The following ZFR2 variants were observed in gnomAD, a reference collection of about 807,000 sequenced individuals.
ZFR2 encodes zinc finger RNA-binding protein 2.
ZFR2 carries 104 observed loss-of-function variants against 105.7 expected under a neutral mutation model. The ratio of observed to expected loss-of-function variants is 0.98; its 90% confidence interval spans 0.84 to 1.16. The LOEUF (loss-of-function observed/expected upper bound fraction) is 1.16. Ranked by LOEUF, ZFR2 falls within the 50% of genes most tolerant of loss-of-function variation. The pLI is 0.00. For missense variants in ZFR2, 1,425 were observed against 1,355.5 expected, an observed-to-expected ratio of 1.05 and a Z score of -0.80; for synonymous variants, 634 against 597.7, an observed-to-expected ratio of 1.06 and a Z score of -0.89.
Position 3,827,385 on chromosome 19 carries a change from C to T in ZFR2, c.1035+86G>A. ...GAGGCTTCTCCCAGCTCCCTCTGAT[C>T]TCCCCAGGTACCTCTGTGGGTCCCA... On this transcript the variant is annotated intron_variant, in intron 6 of 18. Coordinates refer to ENST00000262961, the MANE Select transcript of ZFR2 (RefSeq NM_015174.2). 7.9e-6 allele frequency: 11 copies of T among 1,385,600 alleles called. No individual in the cohort carries two copies. In the South Asian group the frequency reaches 1.7e-4, roughly 21 times the overall value. The allele number at this position is 1,385,600 out of a possible 1,614,324, so 85.8% of individuals were successfully genotyped here.
In ZFR2 at chr19:3,820,185, G is replaced by T; in HGVS notation, c.1737C>A (p.Leu579=). 6.4e-7 allele frequency: 1 copy of T among 1,552,330 alleles called. No individual in the cohort carries two copies. The highest frequency in any genetic ancestry group is 8.7e-7 in the Non-Finnish European group (1 of 1,147,642). ...ACACAGAGGAAACTGTACCTACCTG[G>T]AGTGGGGCGCTGGCGGGTGACTCCG... ...GRPESPASAP[L]QPGRRPASSD... is the part of the protein sequence containing the mutation. Residue 579 remains leucine, a synonymous_variant, in exon 11 of 19, where the codon CTC becomes CTA. Coordinates refer to ENST00000262961, the MANE Select transcript of ZFR2 (RefSeq NM_015174.2).
chr19:3,858,715 G>A lies in ZFR2; in HGVS notation c.53+10250C>T, dbSNP rs1284676219. Among the ~76,000 whole-genome samples, 1 of 152,222 alleles carries A rather than the reference G, an allele frequency of 6.6e-6. No individual in the cohort carries two copies. The highest frequency in any genetic ancestry group is 1.5e-5 in the Non-Finnish European group (1 of 68,036). On this transcript the variant is annotated intron_variant, in intron 1 of 18. Coordinates refer to ENST00000262961, the MANE Select transcript of ZFR2 (RefSeq NM_015174.2). The surrounding 1 kb of genome is among the most constrained non-coding windows in gnomAD (Gnocchi z 4.3). ...TGCCTGAAATCCCAGCTACTTGGGA[G>A]GCTGAGGCAGGAGAATCACTTGAAC... is the stretch of plus-strand genomic sequence containing the variant.
chr19:3,840,125 A>G (rs903231345), intron 1 of ZFR2, among the ~76,000 whole-genome samples: 4 of 151,974 alleles, frequency 2.6e-5, no homozygotes, highest in African/African-American at 9.7e-5. Context: ...CTTCTTCCCT[A>G]CGCTGTCCTC....
At position 3,834,709 on chromosome 19, in the gene ZFR2, G is replaced by C. The variant is rs985545658; in HGVS notation, c.264+64C>G. 21 of 1,517,270 alleles carry C rather than the reference G, an allele frequency of 1.4e-5. No homozygotes were observed. In the African/African-American group the frequency reaches 1.6e-4, roughly 12 times the overall value. 94.0% of individuals were successfully genotyped at this position (1,517,270 alleles called of 1,614,324 possible). A position where few individuals can be genotyped will look rare whatever the true frequency, so the allele number is the denominator to read the frequency against. On this transcript the variant is annotated intron_variant, in intron 2 of 18. Transcript: ENST00000262961. The surrounding 1 kb of genome is among the most constrained non-coding windows in gnomAD (Gnocchi z 5.3). ...AAGGAGTAGCTGTGGGAAGCCCACC[G>C]CTCTCACCCATGCAAGGCGACCCAC...
intron 1 of ZFR2, among the ~76,000 whole-genome samples, chr19:3,845,034 C>A (rs1354435864): frequency 6.6e-6 from 1 of 152,082 alleles, no homozygotes; most frequent in African/African-American, 2.4e-5. Flanking sequence ...AGTTCTGGAG[C>A]GTGGATGTCC....
At chr19:3,830,197 A>G (rs909617172) in intron 5 of ZFR2, among the ~76,000 whole-genome samples, 1 of 152,052 alleles carries the variant, frequency 6.6e-6, no homozygotes, top group African/African-American at 2.4e-5. Context: ...CCAGCTACTC[A>G]GGAGGCTGAG....
chr19:3,841,411 G>A (rs891712183), intron 1 of ZFR2, among the ~76,000 whole-genome samples: 1 of 152,174 alleles, frequency 6.6e-6, no homozygotes, highest in Non-Finnish European at 1.5e-5. Flanking sequence ...ATATGCAGGT[G>A]CGGTGGCTCA....
chr19:3,860,421 C>T (rs1181797094), intron 1 of ZFR2, among the ~76,000 whole-genome samples: 4 of 152,132 alleles, frequency 2.6e-5, no homozygotes, highest in Admixed American at 6.6e-5. Context: ...AACCAGGACC[C>T]GCCTGGTTCC....
At chr19:3,824,697 A>G (rs1308550571) in intron 7 of ZFR2, among the ~76,000 whole-genome samples, 2 of 152,126 alleles carry the variant, frequency 1.3e-5, no homozygotes, top group Admixed American at 1.3e-4. Flanking sequence ...AGCACTTTGG[A>G]ATGCCGAGGC....
chr19:3,835,044 A>G, intron 1 of ZFR2, 61 bp from the exon 2 acceptor site: 1 of 1,535,544 alleles, frequency 6.5e-7, no homozygotes, highest in Non-Finnish European at 8.8e-7. Flanking sequence ...AGGTGCACTG[A>G]GTTGACGGTG....
At chr19:3,856,556 C>T (rs2038304146) in intron 1 of ZFR2, among the ~76,000 whole-genome samples, 1 of 152,136 alleles carries the variant, frequency 6.6e-6, no homozygotes, top group South Asian at 2.1e-4. Flanking sequence ...CATCAACATT[C>T]TCTCCATCCC....
At chr19:3,831,996 G>T in intron 3 of ZFR2, 118 bp from the exon 4 acceptor site, 1 of 860,606 alleles carries the variant, frequency 1.2e-6, no homozygotes, top group Non-Finnish European at 1.6e-6. Flanking sequence ...CAGGACCAGA[G>T]GCCAGAGCCT....
chr19:3,808,390 C>A (rs1293620405), intron 17 of ZFR2, among the ~76,000 whole-genome samples: 1 of 152,274 alleles, frequency 6.6e-6, no homozygotes, highest in Non-Finnish European at 1.5e-5. Flanking sequence ...TTTTCCGTAT[C>A]TGGCCGCCAC....
intron 1 of ZFR2, chr19:3,856,951 A>G (rs939841476): frequency 6.6e-6 from 1 of 151,246 alleles, no homozygotes; most frequent in Non-Finnish European, 1.5e-5. Context: ...GCTGGCTCGA[A>G]CTCCTCACCT....
intron 13 of ZFR2, 65 bp downstream of exon 13, chr19:3,816,609 G>T: frequency 6.5e-7 from 1 of 1,547,260 alleles, no homozygotes; most frequent in Non-Finnish European, 8.7e-7. Context: ...GGAGCGCAAG[G>T]GGCTGCGGGG....
chr19:3,861,164 C>T (rs780462588), intron 1 of ZFR2, among the ~76,000 whole-genome samples: 4 of 152,118 alleles, frequency 2.6e-5, no homozygotes, highest in South Asian at 2.1e-4. Flanking sequence ...CCGCCAACCG[C>T]GACAAGTAAA....
At chr19:3,856,432 TCC>T (rs899616273) in intron 1 of ZFR2, among the ~76,000 whole-genome samples, 4 of 151,812 alleles carry the variant, frequency 2.6e-5, no homozygotes, top group African/African-American at 9.7e-5. Flanking sequence ...CACTGTAACA[TCC>T]CCCCTTTAAA....
In ZFR2 at chr19:3,825,402, G is replaced by T. The variant is rs1055655866; in HGVS notation, c.1041C>A (p.Phe347Leu). ...HIRGSKHQKV[F>L]KLHAKLGKPI... The stretch of plus-strand genomic sequence containing the variant: ...GCTTCCCCAGTTTGGCGTGCAGCTT[G>T]AAGACCTGCAACAGACAGAGCCGGG... Residue 347 changes from phenylalanine (F) to leucine (L), a missense_variant, in exon 7 of 19, where the codon TTC (phenylalanine) becomes TTA (leucine). Coordinates refer to ENST00000262961, the MANE Select transcript of ZFR2 (RefSeq NM_015174.2). 1.9e-6 allele frequency: 3 copies of T among 1,577,904 alleles called. No individual in the cohort carries two copies. The highest frequency in any genetic ancestry group is 1.4e-5 in the African/African-American group (1 of 73,900).
Position 3,833,713 on chromosome 19 carries a change from A to C in ZFR2, c.330T>G (p.Ser110=). Reference sequence around the variant, plus strand: ...TCATGCGCCCAGACTGGAGGGCAGCAGACTGGAAGTACGGCCTGTCCTCAT... The same window carrying C: ...TCATGCGCCCAGACTGGAGGGCAGCCGACTGGAAGTACGGCCTGTCCTCAT... ...RSYEDRPYFQ[S]AALQSGRMTA... is the part of the protein sequence containing the mutation. Residue 110 remains serine (S), a synonymous_variant, in exon 3 of 19, where the codon TCT becomes TCG. Transcript: ENST00000262961. The C allele has an allele frequency of 3.8e-6, 6 of 1,579,756 alleles. No individual in the cohort carries two copies. The South Asian group carries it at 7.0e-5, about 18-fold the overall frequency.
Sources: gnomAD v4.1 joint callset for allele counts (sites outside exome capture counted in the v4.1 genomes callset) on GRCh38, gnomAD v4.1.1 for gene constraint, Gnocchi (gnomAD v3.1) non-coding constraint, MANE v1.5 for transcripts, NCBI Gene and HGNC (gene_info 2026-07-23, HGNC 2026-07-21) for gene names.